DLG2: variants seen among roughly 807,000 people sequenced by gnomAD.
DLG2 encodes the protein disks large homolog 2.
DLG2 carries 45 observed loss-of-function variants against 132.5 expected under a neutral mutation model. That is an observed-to-expected ratio of 0.34 (90% confidence interval 0.27 to 0.44). The LOEUF is 0.44. Ranked by LOEUF, DLG2 falls within the 20% of genes least tolerant of loss-of-function variation. The probability of loss-of-function intolerance (pLI) is 1.00; values close to 1 mark genes in which losing one functional copy is unlikely to be tolerated. For missense variants in DLG2, 1,045 were observed against 1,196.9 expected, an observed-to-expected ratio of 0.87 and a Z score of 1.87; for synonymous variants, 424 against 419.6, an observed-to-expected ratio of 1.01 and a Z score of -0.13.
intron 18 of DLG2, among the ~76,000 whole-genome samples, chr11:83,743,449 T>TTTTTTTTTTTTTTTTTTTTTTTTTCTA (rs1555372680): frequency 8.1e-6 from 1 of 124,094 alleles, no homozygotes; most frequent in African/African-American, 4.1e-5. Context: ...TTTTTTTTTT[T>TTTTTTTTTTTTTTTTTTTTTTTTTCTA]ATGACAGGGT....
rs1464563941 is a variant in DLG2 at position 84,434,079 on chromosome 11, C to T, written c.519+100491G>A. Among the ~76,000 whole-genome samples, 12 of 150,020 alleles carry T rather than the reference C, an allele frequency of 8.0e-5. No individual in the cohort carries two copies. In the East Asian group the frequency reaches 2.2e-3, roughly 27 times the overall value. On this transcript the variant is annotated intron_variant, in intron 7 of 27. Transcript: ENST00000376104. ...GACTGCAGTTTAAGCAGTGATTGTG[C>T]CACTGTACTCCAGTCTGAGCTACAG...
intron 6 of DLG2, among the ~76,000 whole-genome samples, chr11:84,816,665 C>G (rs920464096): frequency 6.6e-6 from 1 of 151,902 alleles, no homozygotes; most frequent in Non-Finnish European, 1.5e-5. Flanking sequence ...AAGAAGGAAA[C>G]AGAGTTCAGT....
At chr11:85,625,914 A>G (rs2082005818) in intron 2 of DLG2, among the ~76,000 whole-genome samples, 1 of 152,234 alleles carries the variant, frequency 6.6e-6, no homozygotes, top group Admixed American at 6.5e-5. Flanking sequence ...AATATAATCA[A>G]CTATGCTTCA....
intron 4 of DLG2, among the ~76,000 whole-genome samples, chr11:85,276,555 C>T (rs2077902327): frequency 6.6e-6 from 1 of 152,056 alleles, no homozygotes; most frequent in Non-Finnish European, 1.5e-5. Context: ...ATAATTGTCC[C>T]ATGTTGTGCC....
At chr11:83,887,383 C>A (rs1427789896) in intron 15 of DLG2, among the ~76,000 whole-genome samples, 1 of 151,888 alleles carries the variant, frequency 6.6e-6, no homozygotes, top group African/African-American at 2.4e-5. Flanking sequence ...CATACACCCT[C>A]CCAAGACTAA....
chr11:84,493,747 T>C (rs1434190105), intron 7 of DLG2, among the ~76,000 whole-genome samples: 2 of 152,088 alleles, frequency 1.3e-5, no homozygotes, highest in African/African-American at 4.8e-5. Context: ...TCTCTACTTT[T>C]ATAGGTCCCT....
intron 6 of DLG2, among the ~76,000 whole-genome samples, chr11:84,891,726 T>C (rs926820077): frequency 6.6e-6 from 1 of 152,280 alleles, no homozygotes; most frequent in East Asian, 1.9e-4. Context: ...AAAATATATT[T>C]TGGACCCAGA....
chr11:85,241,233 G>A (rs776836603), intron 4 of DLG2, among the ~76,000 whole-genome samples: 4 of 151,434 alleles, frequency 2.6e-5, no homozygotes, highest in Admixed American at 6.6e-5. Context: ...ATTTTTCTTT[G>A]ATGATTTTAT....
At chr11:84,637,105 G>A (rs1181408458) in intron 6 of DLG2, among the ~76,000 whole-genome samples, 3 of 152,026 alleles carry the variant, frequency 2.0e-5, no homozygotes, top group Admixed American at 6.6e-5. Context: ...CCTCTTTAAT[G>A]GACAGGTTAA....
chr11:83,692,344 G>A (rs1377977705), intron 18 of DLG2, among the ~76,000 whole-genome samples: 4 of 152,170 alleles, frequency 2.6e-5, no homozygotes, highest in East Asian at 3.9e-4. Context: ...TCTGTAAAAT[G>A]GAAGTAATAA....
intron 7 of DLG2, among the ~76,000 whole-genome samples, chr11:84,522,593 G>C (rs187080016): frequency 5.9e-5 from 9 of 152,158 alleles, no homozygotes; most frequent in African/African-American, 2.2e-4. Context: ...CCTGGGAGCT[G>C]CATTAGGATT....
At chr11:85,386,776 GA>G (rs2086366447) in intron 3 of DLG2, among the ~76,000 whole-genome samples, 2 of 124,668 alleles carry the variant, frequency 1.6e-5, no homozygotes, top group African/African-American at 6.0e-5. Context: ...AAATGATAGT[GA>G]AAAAAGAAAA....
At chr11:84,044,171 A>G (rs1257438511) in intron 11 of DLG2, among the ~76,000 whole-genome samples, 1 of 151,754 alleles carries the variant, frequency 6.6e-6, no homozygotes, top group African/African-American at 2.4e-5. Flanking sequence ...AAACCTCCAA[A>G]CTGTACATAA....
intron 8 of DLG2, among the ~76,000 whole-genome samples, chr11:84,208,412 C>T (rs1263239823): frequency 6.8e-6 from 1 of 147,702 alleles, no homozygotes; most frequent in Non-Finnish European, 1.5e-5. Context: ...GGTGCAATCT[C>T]AGCCTACGGC....
At chr11:84,285,887 A>G (rs1466473477) in intron 7 of DLG2, among the ~76,000 whole-genome samples, 1 of 152,236 alleles carries the variant, frequency 6.6e-6, no homozygotes, top group East Asian at 1.9e-4. Flanking sequence ...GTAGGTACTC[A>G]ATAAATATTT....
At chr11:83,731,555 G>T (rs1182537038) in intron 18 of DLG2, among the ~76,000 whole-genome samples, 2 of 152,254 alleles carry the variant, frequency 1.3e-5, no homozygotes, top group East Asian at 3.9e-4. Context: ...CATCTGGGTT[G>T]GTCCCATGTC....
chr11:85,559,221 G>A (rs1004975119), intron 3 of DLG2, among the ~76,000 whole-genome samples: 11 of 149,724 alleles, frequency 7.3e-5, no homozygotes, highest in South Asian at 2.1e-4. Flanking sequence ...GCATGATCTC[G>A]GTTCACTGCA....
At chr11:83,698,552 T>G (rs1312916663) in intron 18 of DLG2, among the ~76,000 whole-genome samples, 3 of 152,208 alleles carry the variant, frequency 2.0e-5, no homozygotes, top group African/African-American at 7.2e-5. Context: ...AGGACCTCAA[T>G]GTAGATATCA....
chr11:85,458,508 TGA>T (rs2092493282), intron 3 of DLG2, among the ~76,000 whole-genome samples: 1 of 152,236 alleles, frequency 6.6e-6, no homozygotes, highest in Non-Finnish European at 1.5e-5. Context: ...ACTGGCTTTT[TGA>T]GTTGCCAGAG....
Sources: allele counts gnomAD v4.1 joint callset (sites outside exome capture counted in the v4.1 genomes callset), GRCh38; gene constraint gnomAD v4.1.1; transcripts MANE v1.5; gene names NCBI Gene and HGNC (gene_info 2026-07-23, HGNC 2026-07-21).